PPARGC1A: variants seen among roughly 807,000 people sequenced by gnomAD.
PPARGC1A encodes the protein PPARG coactivator 1 alpha.
Under a neutral mutation model 88.7 loss-of-function variants are expected in PPARGC1A, and 25 were observed. The ratio of observed to expected loss-of-function variants is 0.28; its 90% CI spans 0.21 to 0.39. The LOEUF is 0.39. PPARGC1A is among the 10% of genes least tolerant of loss of function. The pLI is 1.00. For synonymous variants in PPARGC1A, 363 were observed against 355.6 expected (o/e 1.02, Z -0.24); for missense variants, 880 against 968.7 (o/e 0.91, Z 1.22).
At chr4:24,429,409 G>C in the PPARGC1A span, among the ~76,000 whole-genome samples, 1 of 152,122 alleles carries the variant, frequency 6.6e-6, no homozygotes, top group Non-Finnish European at 1.5e-5. Context: ...TAATGAGGGA[G>C]ACAAAGGCAT....
the PPARGC1A span, among the ~76,000 whole-genome samples, chr4:24,321,531 C>A: frequency 6.6e-6 from 1 of 152,182 alleles, no homozygotes; most frequent in South Asian, 2.1e-4. Flanking sequence ...AAGGATGATA[C>A]AAGTATTTGT....
At chr4:24,087,856 A>G in the PPARGC1A span, among the ~76,000 whole-genome samples, 2 of 152,232 alleles carry the variant, frequency 1.3e-5, no homozygotes, top group South Asian at 2.1e-4. Context: ...TTCCAACTCC[A>G]TAAGTAAAAG....
chr4:24,036,636 A>G, the PPARGC1A span, among the ~76,000 whole-genome samples: 1 of 152,152 alleles, frequency 6.6e-6, no homozygotes, highest in African/African-American at 2.4e-5. Context: ...AAAAGATGAG[A>G]AACAAAAGAG....
chr4:24,385,485 T>C, the PPARGC1A span, among the ~76,000 whole-genome samples: 1 of 151,948 alleles, frequency 6.6e-6, no homozygotes, highest in African/African-American at 2.4e-5. Flanking sequence ...ACAAAATAGA[T>C]AGACCACTAG....
intron 2 of PPARGC1A, among the ~76,000 whole-genome samples, chr4:23,869,424 G>A (rs1045383442): frequency 5.3e-5 from 8 of 152,226 alleles, no homozygotes; most frequent in South Asian, 4.1e-4. Flanking sequence ...CTCTGGGTCC[G>A]TATAGAGAAT....
At chr4:24,088,436 A>C in the PPARGC1A span, among the ~76,000 whole-genome samples, 1 of 152,106 alleles carries the variant, frequency 6.6e-6, no homozygotes, top group African/African-American at 2.4e-5. Context: ...AGGAGGAAAC[A>C]AAGAAAATAT....
the PPARGC1A span, among the ~76,000 whole-genome samples, chr4:24,353,192 C>CT: frequency 0.065 from 9,408 of 144,094 alleles, 326 homozygotes; most frequent in Non-Finnish European, 0.074. Context: ...AATAATCAAT[C>CT]TTTTTTTTTT....
At chr4:24,265,000 G>A in the PPARGC1A span, among the ~76,000 whole-genome samples, 14 of 152,258 alleles carry the variant, frequency 9.2e-5, no homozygotes, top group Admixed American at 2.6e-4. Context: ...ATATCTCCAA[G>A]AACTGTCAAC....
intron 4 of PPARGC1A, among the ~76,000 whole-genome samples, chr4:23,828,869 G>T (rs956690043): frequency 3.3e-5 from 5 of 152,016 alleles, no homozygotes; most frequent in Non-Finnish European, 4.4e-5. Flanking sequence ...ACCCTACAGC[G>T]CCTTTATTGT....
At chr4:24,467,204 C>G in the PPARGC1A span, among the ~76,000 whole-genome samples, 3 of 152,040 alleles carry the variant, frequency 2.0e-5, no homozygotes, top group African/African-American at 7.2e-5. Context: ...GGAAGACCTG[C>G]AACAAACTCT....
At chr4:24,337,513 G>A in the PPARGC1A span, among the ~76,000 whole-genome samples, 1 of 152,134 alleles carries the variant, frequency 6.6e-6, no homozygotes, top group Non-Finnish European at 1.5e-5. Flanking sequence ...CATGGAGGCA[G>A]GCGTGGAGCG....
the PPARGC1A span, among the ~76,000 whole-genome samples, chr4:24,324,304 C>T: frequency 1.3e-5 from 2 of 152,102 alleles, no homozygotes; most frequent in African/African-American, 2.4e-5. Context: ...CGGCAAGTCC[C>T]GCTTCCCTAG....
the PPARGC1A span, among the ~76,000 whole-genome samples, chr4:24,083,850 G>A: frequency 0.027 from 4,095 of 152,260 alleles, 169 homozygotes; most frequent in African/African-American, 0.093. Flanking sequence ...CAAGGGCAGC[G>A]TCTGCATCTT....
upstream of PPARGC1A, among the ~76,000 whole-genome samples, chr4:23,900,684 C>T (rs1255983648): frequency 6.6e-6 from 1 of 152,174 alleles, no homozygotes; most frequent in Admixed American, 6.5e-5. Context: ...CAGATGTTCT[C>T]TTTAAGTCCT....
chr4:23,804,879 C>T (rs528011275), intron 10 of PPARGC1A, among the ~76,000 whole-genome samples: 1 of 152,284 alleles, frequency 6.6e-6, no homozygotes, highest in East Asian at 1.9e-4. Flanking sequence ...TTTTCTGAGA[C>T]TTGCAGTGAG....
At chr4:24,128,548 G>A in the PPARGC1A span, among the ~76,000 whole-genome samples, 1 of 147,804 alleles carries the variant, frequency 6.8e-6, no homozygotes, top group African/African-American at 2.6e-5. Context: ...GTGTGTGTGT[G>A]TGTGTGTGTG....
the PPARGC1A span, among the ~76,000 whole-genome samples, chr4:23,994,606 C>A: frequency 6.6e-6 from 1 of 152,092 alleles, no homozygotes; most frequent in Non-Finnish European, 1.5e-5. Flanking sequence ...GATTTCAAAG[C>A]CCACATTCCT....
the PPARGC1A span, among the ~76,000 whole-genome samples, chr4:24,163,101 C>T: frequency 6.6e-6 from 1 of 150,440 alleles, no homozygotes; most frequent in Non-Finnish European, 1.5e-5. Flanking sequence ...ATACAATAGT[C>T]TTTATTTATT....
chr4:24,461,150 C>T, the PPARGC1A span, among the ~76,000 whole-genome samples: 1 of 152,168 alleles, frequency 6.6e-6, no homozygotes, highest in East Asian at 1.9e-4. Context: ...TCTCAAACTC[C>T]CGGCCTCAAG....
Sources: allele counts gnomAD v4.1 joint callset (sites outside exome capture counted in the v4.1 genomes callset), GRCh38; gene constraint gnomAD v4.1.1; transcripts MANE v1.5; gene names NCBI Gene and HGNC (gene_info 2026-07-23, HGNC 2026-07-21).